Variants in XIRP2 observed in about 807,000 individuals in gnomAD.
XIRP2 encodes xin actin-binding repeat-containing protein 2.
A neutral mutation model predicts 277.0 loss-of-function variants in XIRP2; 236 were observed. The observed-to-expected ratio is 0.85, with a 90% CI of 0.77 to 0.95. The LOEUF (loss-of-function observed/expected upper bound fraction) is 0.95, where lower values mean the gene tolerates loss of function less well. Ranked by LOEUF, XIRP2 falls within the 40% of genes least tolerant of loss-of-function variation. The pLI is 0.00. For synonymous variants in XIRP2, 1,490 were observed against 1,416.5 expected (o/e 1.05, Z -1.17); for missense variants, 4,640 against 4,157.5 (o/e 1.12, Z -3.19).
intron 1 of XIRP2, among the ~76,000 whole-genome samples, chr2:166,899,527 C>G (rs1208877832): frequency 6.6e-6 from 1 of 152,022 alleles, no homozygotes; most frequent in Non-Finnish European, 1.5e-5. Flanking sequence ...AAGAATACCC[C>G]CTAGCCAATT....
At chr2:167,078,532 TTTTGCCTTTAACGGCAAAA>T (rs1408191162) in intron 2 of XIRP2, among the ~76,000 whole-genome samples, 1 of 151,868 alleles carries the variant, frequency 6.6e-6, no homozygotes, top group African/African-American at 2.4e-5. Context: ...TAATTGCGGT[TTTTGCCTTTAACGGCAAAA>T]ACTGGCCGGG....
chr2:167,077,243 A>G (rs1689595823), intron 2 of XIRP2, among the ~76,000 whole-genome samples: 1 of 152,172 alleles, frequency 6.6e-6, no homozygotes. Context: ...ATGAATGGGT[A>G]TTCAGGTGAG....
At chr2:166,939,579 C>G (rs981798519) in intron 2 of XIRP2, among the ~76,000 whole-genome samples, 1 of 147,060 alleles carries the variant, frequency 6.8e-6, no homozygotes, top group African/African-American at 2.5e-5. Flanking sequence ...ACTCGGGAGG[C>G]TGGGGCAGGA....
chr2:167,140,518 C>T (rs576418927), intron 3 of XIRP2, among the ~76,000 whole-genome samples: 55 of 152,280 alleles, frequency 3.6e-4, no homozygotes, highest in African/African-American at 1.3e-3. Context: ...CCTGAACTGT[C>T]CCCTCTAACG....
At chr2:167,037,520 T>TGG (rs1558957900) in intron 2 of XIRP2, among the ~76,000 whole-genome samples, 1 of 105,514 alleles carries the variant, frequency 9.5e-6, no homozygotes, top group Non-Finnish European at 1.9e-5. Flanking sequence ...ATGTGGGGGG[T>TGG]GTGTGTGTGT....
chr2:167,074,727 C>T (rs907536482), intron 2 of XIRP2, among the ~76,000 whole-genome samples: 8 of 151,914 alleles, frequency 5.3e-5, no homozygotes, highest in African/African-American at 1.9e-4. Flanking sequence ...GCAACTTCCA[C>T]CTCCCAGGCT....
In XIRP2 at chr2:167,248,831, A is replaced by T. The variant is rs776442121; in HGVS notation, c.7439A>T (p.Asn2480Ile). The part of the protein sequence containing the change: ...TSSEHTETKQ[N>I]VISKSLDERK... The stretch of plus-strand genomic sequence containing the variant: ...AGTGAACACACGGAGACAAAGCAGA[A>T]CGTTATTAGTAAGAGTCTTGATGAA... The change falls in exon 9 of 11, where the codon AAC (asparagine) becomes ATC (isoleucine). Residue 2480 changes from asparagine to isoleucine, a missense_variant. By Grantham distance (149) the Asn-to-Ile change is moderately radical. Coordinates refer to ENST00000409195, the MANE Select transcript of XIRP2 (RefSeq NM_152381.6). 1.6e-4 allele frequency: 252 copies of T among 1,613,552 alleles called. No individual in the cohort carries two copies. The highest frequency in any genetic ancestry group is 1.9e-4 in the Non-Finnish European group (219 of 1,179,778).
Position 167,246,121 on chromosome 2 carries a change from A to C in XIRP2, c.4729A>C (p.Ile1577Leu), listed in dbSNP as rs765130391. 3.7e-6 allele frequency: 6 copies of C among 1,613,516 alleles called. No individual in the cohort carries two copies. The South Asian group carries it at 5.5e-5, about 15-fold the overall frequency. ...APGIIIEADE[I>L]GDVRMAKYKL... ...TGGAATCATCATTGAAGCTGATGAA[A>C]TAGGGGATGTTCGAATGGCAAAATA... Residue 1577 changes from isoleucine to leucine, a missense_variant, in exon 9 of 11, where the codon ATA becomes CTA. By Grantham distance (5) the Ile-to-Leu change is conservative. Coordinates refer to ENST00000409195, the MANE Select transcript of XIRP2 (RefSeq NM_152381.6).
chr2:167,099,346 A>AC (rs1690422575), intron 2 of XIRP2, among the ~76,000 whole-genome samples: 1 of 151,968 alleles, frequency 6.6e-6, no homozygotes, highest in South Asian at 2.1e-4. Context: ...AATGGCAGAC[A>AC]CCCCTCCACC....
chr2:166,950,859 C>T (rs527356800), intron 2 of XIRP2, among the ~76,000 whole-genome samples: 5 of 152,092 alleles, frequency 3.3e-5, no homozygotes, highest in African/African-American at 9.6e-5. Flanking sequence ...AAAGTTCCCT[C>T]GTTAAGAAGT....
intron 2 of XIRP2, among the ~76,000 whole-genome samples, chr2:167,133,550 AC>A (rs1691446814): frequency 2.0e-5 from 3 of 152,218 alleles, no homozygotes; most frequent in African/African-American, 7.2e-5. Flanking sequence ...TAATCAAATC[AC>A]ATTTCCATGT....
At chr2:167,196,410 TTTTG>T (rs1361608353) in intron 3 of XIRP2, among the ~76,000 whole-genome samples, 2 of 77,584 alleles carry the variant, frequency 2.6e-5, no homozygotes, top group African/African-American at 1.1e-4. Context: ...GTGTCAAGAA[TTTTG>T]TGTGTGTGTG....
At chr2:167,219,515 G>A (rs1025904464) in intron 5 of XIRP2, among the ~76,000 whole-genome samples, 2 of 152,168 alleles carry the variant, frequency 1.3e-5, no homozygotes, top group African/African-American at 4.8e-5. Context: ...GGGGCTTGTG[G>A]ATCTGGGTTT....
At chr2:167,231,256 G>A (rs1694741962) in intron 5 of XIRP2, among the ~76,000 whole-genome samples, 1 of 151,910 alleles carries the variant, frequency 6.6e-6, no homozygotes, top group South Asian at 2.1e-4. Context: ...AAAACTCAGA[G>A]GGACACTGAA....
At chr2:166,913,320 C>G (rs945893851) in intron 2 of XIRP2, among the ~76,000 whole-genome samples, 9 of 151,276 alleles carry the variant, frequency 5.9e-5, no homozygotes, top group African/African-American at 1.5e-4. Context: ...ACCCCCCCCC[C>G]CCAGCCTCGC....
intron 2 of XIRP2, among the ~76,000 whole-genome samples, chr2:167,090,277 T>C (rs1037493182): frequency 1.3e-5 from 2 of 152,108 alleles, no homozygotes; most frequent in African/African-American, 4.8e-5. Flanking sequence ...TTTAACTCCA[T>C]ATACCCCACT....
chr2:167,147,203 G>A (rs770498568), intron 3 of XIRP2, among the ~76,000 whole-genome samples: 10 of 152,104 alleles, frequency 6.6e-5, no homozygotes, highest in Non-Finnish European at 1.0e-4. Flanking sequence ...CTGAGTATAT[G>A]GGTAAATCTG....
intron 2 of XIRP2, among the ~76,000 whole-genome samples, chr2:167,095,736 T>G (rs2105280387): frequency 6.6e-6 from 1 of 152,150 alleles, no homozygotes; most frequent in South Asian, 2.1e-4. Context: ...TTGAGGATTT[T>G]CACATTGATG....
At chr2:167,085,535 C>G (rs1305676793) in intron 2 of XIRP2, among the ~76,000 whole-genome samples, 3 of 152,040 alleles carry the variant, frequency 2.0e-5, no homozygotes, top group Non-Finnish European at 4.4e-5. Context: ...CTAATGTTGA[C>G]AGTGGGGTGT....
Sources: allele counts gnomAD v4.1 joint callset (sites outside exome capture counted in the v4.1 genomes callset), GRCh38; gene constraint gnomAD v4.1.1; transcripts MANE v1.5; gene names NCBI Gene and HGNC (gene_info 2026-07-23, HGNC 2026-07-21).